NCOR2: variants seen among roughly 807,000 people sequenced by gnomAD.
The protein encoded by NCOR2 is CTG repeat protein 26.
In NCOR2, 81 loss-of-function variants were observed where a neutral mutation model predicts 262.9. The observed-to-expected ratio is 0.31, with a 90% CI of 0.26 to 0.37. NCOR2 has a LOEUF of 0.37. Among genes scored for constraint, NCOR2 ranks in the 10% least tolerant of loss-of-function variants. The probability of loss-of-function intolerance (pLI) is 1.00; values close to 1 mark genes in which losing one functional copy is unlikely to be tolerated. For synonymous variants in NCOR2, 1,659 were observed against 1,559.3 expected (o/e 1.06, Z -1.51); for missense variants, 3,385 against 3,621.4 (o/e 0.93, Z 1.68).
chr12:124,473,168 G>C, intron 3 of NCOR2, 37 bp from the exon 6 acceptor site: 1 of 1,610,256 alleles, frequency 6.2e-7, no homozygotes, highest in Non-Finnish European at 8.5e-7. Context: ...GGTCAGCACA[G>C]GGGACACCCC....
intron 30 of NCOR2, 51 bp downstream of exon 32, chr12:124,347,774 G>GT: frequency 1.3e-6 from 2 of 1,538,696 alleles, no homozygotes; most frequent in South Asian, 1.2e-5. Context: ...CGCGCCCTGC[G>GT]TGACTGTACA....
At chr12:124,341,334 G>T (rs1482588950) in intron 34 of NCOR2, among the ~76,000 whole-genome samples, 1 of 152,018 alleles carries the variant, frequency 6.6e-6, no homozygotes, top group Admixed American at 6.6e-5. Context: ...CCACCTCCTG[G>T]GTTCAAGTGA....
chr12:124,426,892 G>T (rs2136326997), intron 10 of NCOR2, 92 bp from the exon 13 acceptor site: 1 of 1,268,930 alleles, frequency 7.9e-7, no homozygotes, highest in African/African-American at 1.5e-5. Flanking sequence ...GGGGACGGAT[G>T]GTCTGCGCCA....
chr12:124,452,523 T>C (rs536035345), intron 6 of NCOR2, among the ~76,000 whole-genome samples: 37 of 152,288 alleles, frequency 2.4e-4, no homozygotes, highest in African/African-American at 8.4e-4. Context: ...CACGGAAATT[T>C]TGGATAGCCC....
intron 1 of NCOR2, among the ~76,000 whole-genome samples, chr12:124,501,150 G>GC (rs1419382949): frequency 6.6e-6 from 1 of 151,114 alleles, no homozygotes; most frequent in Admixed American, 6.6e-5. Flanking sequence ...AAGGCACAAA[G>GC]CCCCCCTGGG....
chr12:124,471,920 C>T (rs557426632), intron 4 of NCOR2, among the ~76,000 whole-genome samples: 2 of 152,370 alleles, frequency 1.3e-5, no homozygotes, highest in East Asian at 3.9e-4. Context: ...TTGCAGGCCA[C>T]ACAGGTCTCT....
exon 36 of NCOR2, chr12:124,340,411 T>C (rs896130425): frequency 1.9e-6 from 3 of 1,612,804 alleles, no homozygotes; most frequent in Non-Finnish European, 2.5e-6. Flanking sequence ...GACGAGGACG[T>C]GGTGGTTGGT....
At position 124,385,901 on chromosome 12, in the gene NCOR2, G is replaced by A. The variant is rs747410248; in HGVS notation, c.1877-14C>T. The A allele has an allele frequency of 6.2e-7, 1 of 1,611,928 alleles. No individual in the cohort carries two copies. On this transcript the variant is annotated splice_polypyrimidine_tract_variant and intron_variant, in intron 16 of 46. Transcript: ENST00000405201. Reference sequence around the variant, plus strand: ...GTTCCAGGAGACCTGTCTCAGGAGAGGAGGGCAGTGAGAAGAGGCCAGGCC... The same window carrying A: ...GTTCCAGGAGACCTGTCTCAGGAGAAGAGGGCAGTGAGAAGAGGCCAGGCC...
chr12:124,355,492 G>A (rs777291993), exon 24 of NCOR2: 2 of 1,611,492 alleles, frequency 1.2e-6, no homozygotes, highest in Non-Finnish European at 1.7e-6. Context: ...AGGAGATGAG[G>A]GGAGGCGGGT....
chr12:124,324,487 G>C (rs1171989175), exon 47 of NCOR2: 4 of 152,234 alleles, frequency 2.6e-5, no homozygotes, highest in Admixed American at 2.6e-4. Context: ...CGCAGATGGC[G>C]GCCACAGAAT....
chr12:124,485,079 A>G (rs2047704575), intron 2 of NCOR2, among the ~76,000 whole-genome samples: 1 of 152,188 alleles, frequency 6.6e-6, no homozygotes, highest in Non-Finnish European at 1.5e-5. Flanking sequence ...CCAGGGCTTC[A>G]CCATTACATG....
intron 13 of NCOR2, among the ~76,000 whole-genome samples, chr12:124,410,938 T>C (rs1184961568): frequency 7.9e-6 from 1 of 126,920 alleles, no homozygotes; most frequent in Non-Finnish European, 1.6e-5. Flanking sequence ...GGGGCTGTAG[T>C]GGGAGGGAGG....
chr12:124,459,791 G>C (rs2136580864), intron 5 of NCOR2, among the ~76,000 whole-genome samples: 1 of 152,280 alleles, frequency 6.6e-6, no homozygotes, highest in Non-Finnish European at 1.5e-5. Flanking sequence ...CTCCTCGGCT[G>C]CTGTCTTCCT....
At chr12:124,344,732 G>T (rs917396615) in exon 32 of NCOR2, 3 of 1,543,648 alleles carry the variant, frequency 1.9e-6, no homozygotes, top group Non-Finnish European at 2.6e-6. Flanking sequence ...ACAATGACCG[G>T]GGCGCCGCGC....
chr12:124,409,463 A>T (rs182886972), intron 13 of NCOR2, among the ~76,000 whole-genome samples: 81 of 152,320 alleles, frequency 5.3e-4, no homozygotes, highest in Admixed American at 8.5e-4. Flanking sequence ...CCTTGCGGCC[A>T]GCTCCCTATA....
intron 6 of NCOR2, among the ~76,000 whole-genome samples, chr12:124,453,230 C>T (rs1225629771): frequency 1.3e-5 from 2 of 152,212 alleles, no homozygotes; most frequent in Non-Finnish European, 2.9e-5. Flanking sequence ...CCACATGGGG[C>T]CATGAGGCAC....
chr12:124,374,953 C>T (rs554354549), intron 18 of NCOR2, among the ~76,000 whole-genome samples: 3 of 152,238 alleles, frequency 2.0e-5, no homozygotes, highest in African/African-American at 2.4e-5. Flanking sequence ...CTTCAGGCCC[C>T]AGAGCAGAGG....
At chr12:124,437,766 T>A (rs1349984257) in intron 8 of NCOR2, among the ~76,000 whole-genome samples, 164 bp downstream of exon 10, 3 of 147,038 alleles carry the variant, frequency 2.0e-5, no homozygotes, top group Non-Finnish European at 4.5e-5. Flanking sequence ...GCAGCTGTTG[T>A]CTTTCCTCCT....
At chr12:124,477,960 G>C (rs1365060397) in intron 3 of NCOR2, among the ~76,000 whole-genome samples, 1 of 152,202 alleles carries the variant, frequency 6.6e-6, no homozygotes, top group African/African-American at 2.4e-5. Flanking sequence ...GCCAGCTCCA[G>C]GAAAAAGCAG....
Sources: gnomAD v4.1 joint callset for allele counts (sites outside exome capture counted in the v4.1 genomes callset) on GRCh38, gnomAD v4.1.1 for gene constraint, MANE v1.5 for transcripts, NCBI Gene and HGNC (gene_info 2026-07-23, HGNC 2026-07-21) for gene names.